CA11: variants seen among roughly 807,000 people sequenced by gnomAD.
CA11 encodes the protein carbonic anhydrase 11 (inactive).
Under a neutral mutation model 39.3 loss-of-function variants are expected in CA11, and 20 were observed. That is an observed-to-expected ratio of 0.51 (90% CI 0.36 to 0.74). The LOEUF (loss-of-function observed/expected upper bound fraction) is 0.74. Ranked by LOEUF, CA11 falls within the 30% of genes least tolerant of loss-of-function variation. The probability of loss-of-function intolerance (pLI) is 0.00; values close to 1 mark genes in which losing one functional copy is unlikely to be tolerated. For missense variants in CA11, 336 were observed against 424.6 expected (o/e 0.79, Z 1.83); for synonymous variants, 166 against 172.5 (o/e 0.96, Z 0.29).
chr19:48,644,173 TC>T lies in CA11; in HGVS notation c.285+253del, dbSNP rs1292463843. Among the ~76,000 whole-genome samples the T allele has an allele frequency of 5.3e-5, 8 of 152,276 alleles. No homozygotes were observed. The South Asian group carries it at 6.2e-4, about 12-fold the overall frequency. Reference sequence around the variant, plus strand: ...GGGTGGTTATGAGATGAGAGGCTTATCAAGGTTTTAAATCTGCCTGGCACAG... The same window carrying T: ...GGGTGGTTATGAGATGAGAGGCTTATAAGGTTTTAAATCTGCCTGGCACAG... On this transcript the variant is annotated intron_variant, in intron 3 of 8. Transcript: ENST00000084798.
intron 3 of CA11, among the ~76,000 whole-genome samples, chr19:48,641,521 C>T (rs2031084160): frequency 6.6e-6 from 1 of 152,180 alleles, no homozygotes; most frequent in African/African-American, 2.4e-5. Flanking sequence ...ACATAAGTAA[C>T]TGCTTAATTA....
intron 2 of CA11, 102 bp downstream of exon 2, chr19:48,645,301 C>T: frequency 1.9e-6 from 2 of 1,033,400 alleles, no homozygotes; most frequent in South Asian, 1.4e-5. Flanking sequence ...GGCTGGGACT[C>T]CTGGTCCTGG....
intron 5 of CA11, 64 bp downstream of exon 5, chr19:48,639,724 T>G (rs748594016): frequency 6.3e-6 from 10 of 1,587,994 alleles, no homozygotes; most frequent in Non-Finnish European, 8.6e-6. Flanking sequence ...GCACCCCGCT[T>G]CCCTCAGACC....
At chr19:48,640,678 T>C (rs1320849338) in intron 3 of CA11, among the ~76,000 whole-genome samples, 6 of 126,760 alleles carry the variant, frequency 4.7e-5, no homozygotes, top group Non-Finnish European at 8.5e-5. Context: ...CCGGTCTTTT[T>C]TTTTTTTCTG....
At position 48,645,462 on chromosome 19, in the gene CA11, G is replaced by A. The variant is rs2031219555; in HGVS notation, c.83C>T (p.Ala28Val). 6.2e-7 allele frequency: 1 copy of A among 1,603,390 alleles called. No individual in the cohort carries two copies. Among genetic ancestry groups the A allele is most frequent in the Non-Finnish European group, 8.5e-7 (1 of 1,174,640 alleles). Residue 28 changes from alanine (A) to valine (V), a missense_variant, in exon 2 of 9, where the codon GCA becomes GTA. Transcript: ENST00000084798. ...ALGAAAHIGPAPDPEDWWSYK... is the reference protein window; with the variant it reads ...ALGAAAHIGPVPDPEDWWSYK... ...GCTCCACCAGTCCTCGGGGTCAGGT[G>A]CTGGTCCGATGTGAGCTGGGAAGAG...
intron 3 of CA11, among the ~76,000 whole-genome samples, chr19:48,641,780 G>C (rs1258820049): frequency 6.6e-6 from 1 of 150,998 alleles, no homozygotes; most frequent in African/African-American, 2.4e-5. Flanking sequence ...AAGTAGCTGG[G>C]ACCACAGTCA....
rs769639846 is a variant in CA11, at chr19:48,645,998, C to A, written c.-366G>T. On this transcript the variant is annotated 5_prime_UTR_variant, in exon 1 of 9. Transcript: ENST00000084798. ...CTCTTTTCATTAAGCTCTCCCAAGC[C>A]ACCTAACTCCAGGTCTCCATCCCGC... The A allele has an allele frequency of 4.1e-5, 17 of 412,292 alleles. No homozygotes were observed. The highest frequency in any genetic ancestry group is 8.2e-5 in the African/African-American group (4 of 48,636). 25.5% of individuals were successfully genotyped at this position (412,292 alleles called of 1,614,324 possible).
Position 48,644,572 on chromosome 19 carries a change from G to A in CA11, c.143-3C>T. On this transcript the variant is annotated splice_region_variant and splice_polypyrimidine_tract_variant and intron_variant, in intron 2 of 8. Coordinates refer to ENST00000084798, the MANE Select transcript of CA11 (RefSeq NM_001217.5). ...CACCAGGCCCCAGAAAGGAGGCCCT[G>A]GGGGTGGGGTCGGAGTAGGAGGACA... is the stretch of plus-strand genomic sequence containing the variant. 6.3e-6 allele frequency: 10 copies of A among 1,581,090 alleles called. No individual in the cohort carries two copies. The highest frequency in any genetic ancestry group is 6.0e-6 in the Non-Finnish European group (7 of 1,161,752).
chr19:48,644,657 G>T, intron 2 of CA11, 88 bp from the exon 3 acceptor site: 1 of 1,165,886 alleles, frequency 8.6e-7, no homozygotes, highest in Non-Finnish European at 1.1e-6. Context: ...GCTGTGGTCT[G>T]GACTCCCAGA....
chr19:48,638,168 G>C (rs1012469232), intron 8 of CA11, 24 bp from the exon 9 acceptor site: 1 of 1,330,688 alleles, frequency 7.5e-7, no homozygotes, highest in Non-Finnish European at 9.7e-7. Context: ...AACAACGGCA[G>C]GGGGCGTCAG....
At chr19:48,642,490 C>A (rs1158151243) in intron 3 of CA11, among the ~76,000 whole-genome samples, 2 of 152,104 alleles carry the variant, frequency 1.3e-5, no homozygotes, top group African/African-American at 4.8e-5. Flanking sequence ...CAGAGCGAGA[C>A]TCCGACTCAA....
At chr19:48,640,366 T>TA in intron 3 of CA11, 86 bp from the exon 4 acceptor site, 97 of 648,010 alleles carry the variant, frequency 1.5e-4, no homozygotes, top group Non-Finnish European at 2.1e-4. Flanking sequence ...ATTCCAACAG[T>TA]CTTTTTTTTT....
At position 48,639,336 on chromosome 19, in the gene CA11, A is replaced by G. The variant is rs199878745; in HGVS notation, c.764T>C (p.Ile255Thr). 2.1e-5 allele frequency: 34 copies of G among 1,613,674 alleles called. No individual in the cohort carries two copies. Among genetic ancestry groups the G allele is most frequent in the East Asian group, 6.7e-5 (3 of 44,860 alleles). Residue 255 changes from isoleucine to threonine, a missense_variant, in exon 7 of 9, where the codon ATT (isoleucine) becomes ACT (threonine). Ile to Thr is a moderately conservative substitution (Grantham distance 89). Transcript: ENST00000084798. ...GGAGGTGATATTGAGGGCCCGGTCA[A>G]TGAGGATCCAGGTGACAGTCTCGGA... Reference protein sequence around the residue: ...PCSETVTWILIDRALNITSLQ... With the variant: ...PCSETVTWILTDRALNITSLQ...
chr19:48,639,975 G>T, intron 4 of CA11, 92 bp from the exon 5 acceptor site: 1 of 1,503,528 alleles, frequency 6.7e-7, no homozygotes, highest in Non-Finnish European at 9.2e-7. Context: ...GAGGATTAGT[G>T]CTTAGGGTGG....
chr19:48,645,869 G>T lies in CA11; in HGVS notation c.-237C>A, dbSNP rs952003624. The T allele has an allele frequency of 3.9e-6, 2 of 519,152 alleles. No homozygotes were observed. Among genetic ancestry groups the T allele is most frequent in the African/African-American group, 2.0e-5 (1 of 49,910 alleles). 32.2% of individuals were successfully genotyped at this position (519,152 alleles called of 1,614,324 possible). A position where few individuals can be genotyped will look rare whatever the true frequency, so the allele number is the denominator to read the frequency against. On this transcript the variant is annotated 5_prime_UTR_variant, in exon 1 of 9. Transcript: ENST00000084798. ...TTCCTCTTTCCTCTGCTCTTTTCCC[G>T]GAACCCTCCAGTCTCCCTCTAGCTC... is the stretch of plus-strand genomic sequence containing the variant.
intron 3 of CA11, among the ~76,000 whole-genome samples, chr19:48,641,337 G>A (rs911625634): frequency 6.6e-6 from 1 of 152,212 alleles, no homozygotes; most frequent in African/African-American, 2.4e-5. Context: ...TCCAGGCTCT[G>A]TGCCAGTTTG....
At position 48,639,614 on chromosome 19, in the gene CA11, C is replaced by T; in HGVS notation, c.575G>A (p.Ser192Asn). The T allele has an allele frequency of 6.2e-7, 1 of 1,613,918 alleles. No individual in the cohort carries two copies. Among genetic ancestry groups the T allele is most frequent in the Non-Finnish European group, 8.5e-7 (1 of 1,179,948 alleles). Residue 192 changes from serine (S) to asparagine (N), a missense_variant, in exon 6 of 9, where the codon AGT becomes AAT. Physicochemically the swap from Ser to Asn is conservative, Grantham distance 46. Coordinates refer to ENST00000084798, the MANE Select transcript of CA11 (RefSeq NM_001217.5). ...GCGACTGAGGAATGGGTTAGAGGTA[C>T]TGGCAACCTGTGTGGGGGTACGAGG... ...AILSLFVNVA[S>N]TSNPFLSRLL... is the part of the protein sequence containing the mutation.
At chr19:48,640,363 CAGT>C in intron 3 of CA11, 83 bp from the exon 4 acceptor site, 1 of 594,680 alleles carries the variant, frequency 1.7e-6, no homozygotes, top group Non-Finnish European at 2.8e-6. Flanking sequence ...CTGATTCCAA[CAGT>C]CTTTTTTTTT....
chr19:48,638,823 A>G (rs2030947125), intron 8 of CA11, 65 bp downstream of exon 8: 6 of 1,455,808 alleles, frequency 4.1e-6, no homozygotes, highest in Non-Finnish European at 5.5e-6. Context: ...ACACTGAGAC[A>G]CCAAGGGGAG....
Sources: gnomAD v4.1 joint callset for allele counts (sites outside exome capture counted in the v4.1 genomes callset) on GRCh38, gnomAD v4.1.1 for gene constraint, MANE v1.5 for transcripts, NCBI Gene and HGNC (gene_info 2026-07-23, HGNC 2026-07-21) for gene names.